Variants in LHFPL3 observed in about 807,000 individuals in gnomAD.
LHFPL3 encodes LHFPL tetraspan subfamily member 3.
In LHFPL3, 5 loss-of-function variants were observed where a neutral mutation model predicts 19.3. That is an observed-to-expected ratio of 0.26 (90% CI 0.14 to 0.54). The LOEUF (loss-of-function observed/expected upper bound fraction) is 0.54, where lower values mean the gene tolerates loss of function less well. Ranked by LOEUF, LHFPL3 falls within the 20% of genes least tolerant of loss-of-function variation. The pLI, the probability that LHFPL3 is intolerant of heterozygous loss-of-function variation, is 0.94. For missense variants in LHFPL3, 249 were observed against 307.4 expected, an observed-to-expected ratio of 0.81 and a Z score of 1.42; for synonymous variants, 133 against 126.2, an observed-to-expected ratio of 1.05 and a Z score of -0.36.
chr7:104,408,815 C>T (rs1320367183), intron 1 of LHFPL3, among the ~76,000 whole-genome samples: 1 of 150,292 alleles, frequency 6.7e-6, no homozygotes, highest in Non-Finnish European at 1.5e-5. Flanking sequence ...TGCTAGGGTA[C>T]AGGGAGGGGC....
chr7:104,628,779 G>T (rs1488209649), intron 1 of LHFPL3, among the ~76,000 whole-genome samples: 1 of 152,050 alleles, frequency 6.6e-6, no homozygotes, highest in Admixed American at 6.6e-5. Flanking sequence ...CTAACGTTTG[G>T]TTCCTTTTTC....
chr7:104,688,235 G>T (rs965701119), intron 1 of LHFPL3, among the ~76,000 whole-genome samples: 5 of 152,170 alleles, frequency 3.3e-5, no homozygotes, highest in Admixed American at 6.5e-5. Context: ...AGAAAAGGAT[G>T]AGCTCAGAGA....
Position 104,329,201 on chromosome 7 carries a change from G to C in LHFPL3, c.422G>C (p.Cys141Ser). The change falls in exon 1 of 3, where the codon TGT becomes TCT. Residue 141 changes from cysteine to serine, a missense_variant. Transcript: ENST00000424859. ...AACACGGCCACTGTGTACAAGATATGTGCCTGGATGCAGCTCACCTCCGGT... is the reference window on the plus strand; with the variant it reads ...AACACGGCCACTGTGTACAAGATATCTGCCTGGATGCAGCTCACCTCCGGT... ...FCNTATVYKI[C>S]AWMQLTSAAC... 6.2e-7 allele frequency: 1 copy of C among 1,609,774 alleles called. No individual in the cohort carries two copies. The highest frequency in any genetic ancestry group is 8.5e-7 in the Non-Finnish European group (1 of 1,176,600).
At chr7:104,482,152 C>G (rs1466227410) in intron 1 of LHFPL3, among the ~76,000 whole-genome samples, 4 of 152,190 alleles carry the variant, frequency 2.6e-5, no homozygotes, top group Non-Finnish European at 5.9e-5. Context: ...GTAGTGCCTG[C>G]TACTCACACT....
intron 1 of LHFPL3, among the ~76,000 whole-genome samples, chr7:104,402,043 T>C (rs1381465402): frequency 1.3e-5 from 2 of 151,800 alleles, no homozygotes; most frequent in East Asian, 1.9e-4. Context: ...GAGGAATTAT[T>C]TGGCATAAGG....
At chr7:104,865,153 T>C (rs531516168) in intron 2 of LHFPL3, among the ~76,000 whole-genome samples, 2 of 152,096 alleles carry the variant, frequency 1.3e-5, no homozygotes, top group Non-Finnish European at 2.9e-5. Flanking sequence ...CTGGAAACTC[T>C]AAAAATCAGA....
At chr7:104,676,523 T>C (rs1046600916) in intron 1 of LHFPL3, among the ~76,000 whole-genome samples, 23 of 152,212 alleles carry the variant, frequency 1.5e-4, no homozygotes, top group African/African-American at 5.5e-4. Flanking sequence ...CCATGTGATG[T>C]GTTTATGATG....
chr7:104,486,056 A>C (rs1793229598), intron 1 of LHFPL3, among the ~76,000 whole-genome samples: 1 of 152,236 alleles, frequency 6.6e-6, no homozygotes, highest in Non-Finnish European at 1.5e-5. Context: ...TGATGGAATC[A>C]TTATGGCACA....
At chr7:104,600,311 G>A (rs969837916) in intron 1 of LHFPL3, among the ~76,000 whole-genome samples, 2 of 152,180 alleles carry the variant, frequency 1.3e-5, no homozygotes, top group African/African-American at 4.8e-5. Flanking sequence ...TACATTTATT[G>A]AGATACGGAG....
chr7:104,723,508 A>C (rs1482930298), intron 1 of LHFPL3, among the ~76,000 whole-genome samples: 2 of 151,868 alleles, frequency 1.3e-5, no homozygotes, highest in African/African-American at 4.8e-5. Flanking sequence ...GATCACTTGA[A>C]GTCAGGAGTT....
At chr7:104,345,457 G>A (rs1181496984) in intron 1 of LHFPL3, among the ~76,000 whole-genome samples, 2 of 151,848 alleles carry the variant, frequency 1.3e-5, no homozygotes, top group East Asian at 1.9e-4. Flanking sequence ...TAATTTTTTA[G>A]CCACTACCAC....
intron 2 of LHFPL3, among the ~76,000 whole-genome samples, chr7:104,766,100 A>G (rs1346105409): frequency 1.3e-5 from 2 of 152,340 alleles, no homozygotes; most frequent in Middle Eastern, 3.4e-3. Flanking sequence ...ACAGAAATCC[A>G]TATGATGATA....
chr7:104,702,350 T>G (rs1466112560), intron 1 of LHFPL3, among the ~76,000 whole-genome samples: 4 of 152,184 alleles, frequency 2.6e-5, no homozygotes, highest in Non-Finnish European at 4.4e-5. Flanking sequence ...ATTCCTTCAG[T>G]GTTGTTTTTT....
At chr7:104,376,364 T>A (rs1790714420) in intron 1 of LHFPL3, among the ~76,000 whole-genome samples, 1 of 152,180 alleles carries the variant, frequency 6.6e-6, no homozygotes, top group Non-Finnish European at 1.5e-5. Flanking sequence ...ATAATTTCAA[T>A]AAATAAAGGG....
chr7:104,506,018 A>ATTTTTTTTT (rs35956092), intron 1 of LHFPL3, among the ~76,000 whole-genome samples: 1 of 145,972 alleles, frequency 6.9e-6, no homozygotes. Context: ...ATGAAAACTG[A>ATTTTTTTTT]TTTTTTTTTT....
In LHFPL3 at chr7:104,617,435, T is replaced by G. The variant is rs550021453; in HGVS notation, c.446-119240T>G. Among the ~76,000 whole-genome samples, 13 of 152,336 alleles carry G rather than the reference T, an allele frequency of 8.5e-5. No homozygotes were observed. The East Asian group carries it at 2.5e-3, about 29-fold the overall frequency. The stretch of plus-strand genomic sequence containing the variant: ...AAGCTGGTGTACTCTTTTGTATATT[T>G]AATTCATCCCTTCCAAAGTTTCAGA... On this transcript the variant is annotated intron_variant, in intron 1 of 2. Transcript: ENST00000424859.
intron 1 of LHFPL3, among the ~76,000 whole-genome samples, chr7:104,425,928 C>T (rs1213948626): frequency 6.6e-6 from 1 of 152,154 alleles, no homozygotes; most frequent in Non-Finnish European, 1.5e-5. Context: ...TGAGCTAGTA[C>T]TCTTCAAATA....
intron 1 of LHFPL3, among the ~76,000 whole-genome samples, chr7:104,335,781 A>G (rs1363837929): frequency 6.6e-6 from 1 of 152,062 alleles, no homozygotes; most frequent in Non-Finnish European, 1.5e-5. Flanking sequence ...CACTCAGGAA[A>G]GAGGATCCAG....
chr7:104,603,129 T>C (rs1368279560), intron 1 of LHFPL3, among the ~76,000 whole-genome samples: 1,626 of 130,170 alleles, frequency 0.012, 21 homozygotes, highest in African/African-American at 0.046. Flanking sequence ...TTTCTTTCTT[T>C]CTTTTTTCCC....
Sources: allele counts gnomAD v4.1 joint callset (sites outside exome capture counted in the v4.1 genomes callset), GRCh38; gene constraint gnomAD v4.1.1; transcripts MANE v1.5; gene names NCBI Gene and HGNC (gene_info 2026-07-23, HGNC 2026-07-21).